PATJ: variants seen among roughly 807,000 people sequenced by gnomAD.
PATJ encodes inaD-like protein.
A neutral mutation model predicts 224.9 loss-of-function variants in PATJ; 190 were observed. The ratio of observed to expected loss-of-function variants is 0.84; its 90% confidence interval spans 0.75 to 0.95. The LOEUF (loss-of-function observed/expected upper bound fraction) is 0.95, where lower values mean the gene tolerates loss of function less well. Among genes scored for constraint, PATJ ranks in the 40% least tolerant of loss-of-function variants. PATJ has a pLI of 0.00. For missense variants in PATJ, 2,121 were observed against 2,270.3 expected (o/e 0.93, Z 1.34); for synonymous variants, 769 against 820.3 (o/e 0.94, Z 1.07).
At chr1:61,918,304 A>T (rs1462200913) in intron 26 of PATJ, among the ~76,000 whole-genome samples, 13 of 131,336 alleles carry the variant, frequency 9.9e-5, no homozygotes, top group African/African-American at 3.3e-4. Context: ...TTGTTTGTGT[A>T]TTCTTTTTTT....
At chr1:62,152,893 C>T (rs1208811504) in intron 42 of PATJ, among the ~76,000 whole-genome samples, 1 of 152,004 alleles carries the variant, frequency 6.6e-6, no homozygotes, top group Non-Finnish European at 1.5e-5. Flanking sequence ...AATCCCAGCA[C>T]TTTGGGAGGT....
chr1:62,121,000 G>T, intron 37 of PATJ, 181 bp from the exon 38 acceptor site: 1 of 489,988 alleles, frequency 2.0e-6, no homozygotes. Flanking sequence ...TGTCTAAATG[G>T]GATTGGGTTG....
At chr1:61,757,469 C>G (rs1319251541) in intron 1 of PATJ, among the ~76,000 whole-genome samples, 3 of 152,106 alleles carry the variant, frequency 2.0e-5, no homozygotes, top group African/African-American at 7.2e-5. Flanking sequence ...ACTGCAGCCT[C>G]AACCTTCCTG....
At chr1:62,013,485 G>C (rs1190324848) in intron 28 of PATJ, 45 of 985,326 alleles carry the variant, frequency 4.6e-5, no homozygotes, top group Non-Finnish European at 5.4e-5. Context: ...GAACCACCTA[G>C]AGGAGGATGT....
At chr1:61,830,212 AC>A (rs1659059497) in intron 16 of PATJ, among the ~76,000 whole-genome samples, 1 of 152,248 alleles carries the variant, frequency 6.6e-6, no homozygotes, top group Non-Finnish European at 1.5e-5. Flanking sequence ...ATTTCTTTAC[AC>A]CAGTAACATC....
At chr1:61,847,484 A>T (rs921470487) in intron 17 of PATJ, among the ~76,000 whole-genome samples, 2 of 152,208 alleles carry the variant, frequency 1.3e-5, no homozygotes, top group Non-Finnish European at 2.9e-5. Flanking sequence ...ATAAGACACA[A>T]GGAGCCAGGA....
chr1:62,158,669 C>T (rs954215142), intron 43 of PATJ, among the ~76,000 whole-genome samples: 15 of 138,826 alleles, frequency 1.1e-4, no homozygotes, highest in African/African-American at 3.7e-4. Context: ...TGCAGTGAGC[C>T]GAGATTGCAC....
chr1:61,790,655 AGGCATGT>A (rs1328219294), intron 8 of PATJ, among the ~76,000 whole-genome samples: 3 of 151,708 alleles, frequency 2.0e-5, no homozygotes, highest in African/African-American at 2.4e-5. Context: ...CTGGGGTTAC[AGGCATGT>A]GCCACCATGC....
At chr1:61,883,014 C>T (rs1224077150) in intron 21 of PATJ, among the ~76,000 whole-genome samples, 1 of 152,138 alleles carries the variant, frequency 6.6e-6, no homozygotes, top group Non-Finnish European at 1.5e-5. Flanking sequence ...TATATGTGGA[C>T]ATACCCACAC....
chr1:62,141,397 G>T (rs531116767), intron 41 of PATJ, among the ~76,000 whole-genome samples: 2 of 152,134 alleles, frequency 1.3e-5, no homozygotes, highest in African/African-American at 4.8e-5. Flanking sequence ...GAGCATAGCC[G>T]GGCGCGTTGG....
chr1:61,751,004 T>TC (rs2148183523), intron 1 of PATJ, among the ~76,000 whole-genome samples: 1 of 149,576 alleles, frequency 6.7e-6, no homozygotes, highest in East Asian at 1.9e-4. Context: ...TATTTTACTT[T>TC]TTTTTTTTTT....
intron 16 of PATJ, 27 bp downstream of exon 16, chr1:61,827,610 C>CAA (rs1179346950): frequency 6.3e-7 from 1 of 1,599,880 alleles, no homozygotes. Context: ...GTGCATTTCC[C>CAA]ATAGGCATGC....
chr1:61,871,038 T>C (rs1001176251), intron 20 of PATJ, among the ~76,000 whole-genome samples: 4 of 151,596 alleles, frequency 2.6e-5, no homozygotes, highest in African/African-American at 9.7e-5. Context: ...TCTGTTCAAG[T>C]CCTTTGTCCA....
At chr1:62,057,972 A>C (rs893541703) in intron 31 of PATJ, among the ~76,000 whole-genome samples, 3 of 152,214 alleles carry the variant, frequency 2.0e-5, no homozygotes, top group Non-Finnish European at 4.4e-5. Flanking sequence ...CCTGGTTTGT[A>C]TACAGCTGCC....
At chr1:61,907,660 A>C (rs1481820734) in intron 24 of PATJ, among the ~76,000 whole-genome samples, 1 of 152,094 alleles carries the variant, frequency 6.6e-6, no homozygotes, top group African/African-American at 2.4e-5. Context: ...ACAAATTATC[A>C]CTATCCGTTG....
intron 1 of PATJ, among the ~76,000 whole-genome samples, chr1:61,751,613 G>A (rs1645334464): frequency 6.6e-6 from 1 of 151,738 alleles, no homozygotes; most frequent in African/African-American, 2.4e-5. Flanking sequence ...ATCATCTGAG[G>A]ACAGGAGTGT....
At chr1:62,044,131 T>C (rs1048761183) in intron 30 of PATJ, among the ~76,000 whole-genome samples, 1 of 152,260 alleles carries the variant, frequency 6.6e-6, no homozygotes, top group Non-Finnish European at 1.5e-5. Context: ...AGTTGAAATC[T>C]ACTTTCTTAG....
intron 17 of PATJ, among the ~76,000 whole-genome samples, chr1:61,834,802 G>A (rs1237520840): frequency 6.6e-6 from 1 of 152,040 alleles, no homozygotes; most frequent in Non-Finnish European, 1.5e-5. Flanking sequence ...GAGTGCAGTA[G>A]CATGCAACCT....
intron 33 of PATJ, among the ~76,000 whole-genome samples, chr1:62,097,013 GAC>G (rs2148817752): frequency 6.6e-6 from 1 of 152,262 alleles, no homozygotes; most frequent in South Asian, 2.1e-4. Flanking sequence ...TGATTTAGCT[GAC>G]ACTTTACTTG....
Sources: allele counts gnomAD v4.1 joint callset (sites outside exome capture counted in the v4.1 genomes callset), GRCh38; gene constraint gnomAD v4.1.1; transcripts MANE v1.5; gene names NCBI Gene and HGNC (gene_info 2026-07-23, HGNC 2026-07-21).